Variants in LRRC4C observed in about 807,000 individuals in gnomAD.
LRRC4C encodes leucine rich repeat containing 4C.
In LRRC4C, 5 loss-of-function variants were observed where a neutral mutation model predicts 33.6. That is an observed-to-expected ratio of 0.15 (90% confidence interval 0.08 to 0.31). The LOEUF is 0.31. Among genes scored for constraint, LRRC4C ranks in the 10% least tolerant of loss-of-function variants. LRRC4C has a pLI of 1.00. For synonymous variants in LRRC4C, 329 were observed against 302.0 expected (o/e 1.09, Z -0.93); for missense variants, 560 against 796.7 (o/e 0.70, Z 3.58).
chr11:40,215,780 A>G (rs919980172), intron 5 of LRRC4C, among the ~76,000 whole-genome samples: 3 of 152,164 alleles, frequency 2.0e-5, no homozygotes, highest in African/African-American at 7.2e-5. Flanking sequence ...GCAGTCTGGG[A>G]GAGGACCAAG....
chr11:40,397,225 C>A (rs960186143), intron 3 of LRRC4C, among the ~76,000 whole-genome samples: 1 of 151,972 alleles, frequency 6.6e-6, no homozygotes, highest in Non-Finnish European at 1.5e-5. Context: ...ATTTCGTCTT[C>A]TAATCTGTGT....
At chr11:40,630,843 T>G (rs1963425667) in intron 3 of LRRC4C, among the ~76,000 whole-genome samples, 1 of 152,186 alleles carries the variant, frequency 6.6e-6, no homozygotes, top group Non-Finnish European at 1.5e-5. Context: ...TTTCACTTTG[T>G]AAGACATAGA....
rs79882782 is a variant in LRRC4C at position 41,141,812 on chromosome 11, A to T, written c.-495-208089T>A. ...TTTATAAATTAACCAATCTCGGGTT[A>T]TGTCTTCATAGCAGCCTGAGAATGG... On this transcript the variant is annotated intron_variant, in intron 1 of 6. Coordinates refer to ENST00000528697, the MANE Select transcript of LRRC4C (RefSeq NM_001258419.2). Among the ~76,000 whole-genome samples, 8 of 152,324 alleles carry T rather than the reference A, an allele frequency of 5.3e-5. No individual in the cohort carries two copies. The East Asian group carries it at 1.4e-3, about 26-fold the overall frequency.
At chr11:40,663,173 C>T (rs1943539518) in intron 2 of LRRC4C, among the ~76,000 whole-genome samples, 1 of 152,166 alleles carries the variant, frequency 6.6e-6, no homozygotes, top group Non-Finnish European at 1.5e-5. Flanking sequence ...CTCCGCCTCC[C>T]AGGTTCAAGT....
At chr11:40,471,470 T>C (rs1952931572) in intron 3 of LRRC4C, among the ~76,000 whole-genome samples, 1 of 152,112 alleles carries the variant, frequency 6.6e-6, no homozygotes, top group Admixed American at 6.6e-5. Context: ...ATGAAGAAAC[T>C]GCATTAACTA....
chr11:40,810,489 C>T (rs1051375192), intron 2 of LRRC4C, among the ~76,000 whole-genome samples: 1 of 152,134 alleles, frequency 6.6e-6, no homozygotes, highest in Non-Finnish European at 1.5e-5. Flanking sequence ...AAATTTTTAA[C>T]TTCAGTCCTG....
chr11:41,069,427 A>T (rs1938513514), intron 1 of LRRC4C, among the ~76,000 whole-genome samples: 2 of 152,226 alleles, frequency 1.3e-5, no homozygotes, highest in Non-Finnish European at 2.9e-5. Context: ...CAGGGCAATC[A>T]GGCAAGAGAG....
intron 2 of LRRC4C, among the ~76,000 whole-genome samples, chr11:40,801,775 A>G (rs1951054123): frequency 6.6e-6 from 1 of 152,174 alleles, no homozygotes; most frequent in Non-Finnish European, 1.5e-5. Context: ...CCTAAAAGTA[A>G]TAGAGTAAGT....
chr11:40,298,665 C>T (rs545125367), intron 4 of LRRC4C, among the ~76,000 whole-genome samples: 1 of 152,110 alleles, frequency 6.6e-6, no homozygotes, highest in East Asian at 1.9e-4. Context: ...TCTGTTTTCA[C>T]ATTGCTATAA....
At position 41,392,358 on chromosome 11, in the gene LRRC4C, C is replaced by A. The variant is rs545159253; in HGVS notation, c.-496+67073G>T. ...AGTGTTTAACCTGGACTTATTCTCA[C>A]AACCATTTAACAGAGCTGATCTTCC... On this transcript the variant is annotated intron_variant, in intron 1 of 6. Transcript: ENST00000528697. Among the ~76,000 whole-genome samples, 9 of 151,940 alleles carry A rather than the reference C, an allele frequency of 5.9e-5. No homozygotes were observed. In the East Asian group the frequency reaches 1.8e-3, roughly 30 times the overall value.
In LRRC4C at chr11:40,403,621, C is replaced by T. The variant is rs183027030; in HGVS notation, c.-269-83900G>A. 6.9e-4 allele frequency among the ~76,000 whole-genome samples: 105 copies of T among 152,192 alleles called. 1 individual carries two copies. Among genetic ancestry groups the T allele is most frequent in the Non-Finnish European group, 1.3e-3 (87 of 67,994 alleles). On this transcript the variant is annotated intron_variant, in intron 3 of 6. Coordinates refer to ENST00000528697, the MANE Select transcript of LRRC4C (RefSeq NM_001258419.2). ...CACAGATTATTAGAACAGAAAGACT[C>T]AACCAAATAGACTTTTGCTACTTCA...
chr11:40,228,876 C>T (rs1368779909), intron 5 of LRRC4C, among the ~76,000 whole-genome samples: 6 of 152,198 alleles, frequency 3.9e-5, no homozygotes, highest in Non-Finnish European at 8.8e-5. Context: ...TGTACAAAAT[C>T]TATTTACTCA....
intron 1 of LRRC4C, among the ~76,000 whole-genome samples, chr11:41,224,787 C>T (rs1947457805): frequency 6.6e-6 from 1 of 152,106 alleles, no homozygotes; most frequent in Non-Finnish European, 1.5e-5. Context: ...AAAAATTCTT[C>T]TTGTATGGTG....
intron 5 of LRRC4C, among the ~76,000 whole-genome samples, chr11:40,227,687 C>T (rs1287040236): frequency 1.3e-5 from 2 of 151,926 alleles, no homozygotes; most frequent in African/African-American, 4.8e-5. Context: ...GTTATGTAAA[C>T]TGTAGAAACC....
Position 40,799,491 on chromosome 11 carries a change from T to C in LRRC4C, c.-407+134144A>G, listed in dbSNP as rs760919775. ...TTTGAATCCTAATACAGTCTCTTAC[T>C]TTATTTATTTATTATTTTTTTGAGT... On this transcript the variant is annotated intron_variant, in intron 2 of 6. Coordinates refer to ENST00000528697, the MANE Select transcript of LRRC4C (RefSeq NM_001258419.2). 2.0e-4 allele frequency among the ~76,000 whole-genome samples: 31 copies of C among 152,186 alleles called. 1 individual carries two copies. The highest frequency in any genetic ancestry group is 4.3e-4 in the Non-Finnish European group (29 of 68,036).
chr11:40,289,011 G>A (rs1565234567), intron 4 of LRRC4C, among the ~76,000 whole-genome samples: 1 of 152,162 alleles, frequency 6.6e-6, no homozygotes, highest in East Asian at 1.9e-4. Flanking sequence ...TTTTTGCTGA[G>A]ATTTATTTTT....
At chr11:40,438,417 A>G (rs760420706) in intron 3 of LRRC4C, among the ~76,000 whole-genome samples, 7 of 152,210 alleles carry the variant, frequency 4.6e-5, no homozygotes, top group Non-Finnish European at 1.0e-4. Context: ...TTGGTCTCCA[A>G]ATTCATACTC....
chr11:41,162,631 G>A (rs1031539452), intron 1 of LRRC4C, among the ~76,000 whole-genome samples: 2 of 152,096 alleles, frequency 1.3e-5, no homozygotes, highest in Non-Finnish European at 2.9e-5. Flanking sequence ...TAACACAATG[G>A]CAATTATTTG....
chr11:40,841,949 T>G (rs1205918238), intron 2 of LRRC4C, among the ~76,000 whole-genome samples: 1 of 152,200 alleles, frequency 6.6e-6, no homozygotes, highest in Non-Finnish European at 1.5e-5. Context: ...TCATTTCATC[T>G]TCTCTTATTG....
Sources: gnomAD v4.1 joint callset for allele counts (sites outside exome capture counted in the v4.1 genomes callset) on GRCh38, gnomAD v4.1.1 for gene constraint, MANE v1.5 for transcripts, NCBI Gene and HGNC (gene_info 2026-07-23, HGNC 2026-07-21) for gene names.